The following SCGB2B2 variants were observed in gnomAD, a reference collection of about 807,000 sequenced individuals.
SCGB2B2 encodes secretoglobin family 2B member 2.
In SCGB2B2, 11 loss-of-function variants were observed where a neutral mutation model predicts 7.6. The observed-to-expected ratio is 1.45, with a 90% CI of 0.91 to 2.40. The LOEUF (loss-of-function observed/expected upper bound fraction) is 2.40. Ranked by LOEUF, SCGB2B2 falls within the 30% of genes most tolerant of loss-of-function variation. The pLI is 0.00. For synonymous variants in SCGB2B2, 50 were observed against 48.6 expected (o/e 1.03, Z -0.12); for missense variants, 104 against 115.4 (o/e 0.90, Z 0.45).
chr19:34,586,950 C>T (rs2065199778), downstream of SCGB2B2, among the ~76,000 whole-genome samples: 1 of 152,154 alleles, frequency 6.6e-6, no homozygotes, highest in Non-Finnish European at 1.5e-5. Flanking sequence ...TCTTGTTGCC[C>T]AGCCTGGAGT....
At chr19:34,662,759 C>T (rs981081457) in intron 1 of SCGB2B2, among the ~76,000 whole-genome samples, 1 of 151,882 alleles carries the variant, frequency 6.6e-6, no homozygotes, top group South Asian at 2.1e-4. Flanking sequence ...TGGTGAAATC[C>T]GTCTCTACTG....
chr19:34,618,088 G>A (rs1039143484), intron 1 of SCGB2B2, among the ~76,000 whole-genome samples: 26 of 150,108 alleles, frequency 1.7e-4, no homozygotes, highest in African/African-American at 3.2e-4. Flanking sequence ...GAAATCACTC[G>A]TCTTCTGCAT....
At chr19:34,612,225 G>T (rs1452320917) in intron 1 of SCGB2B2, among the ~76,000 whole-genome samples, 1 of 150,642 alleles carries the variant, frequency 6.6e-6, no homozygotes, top group Non-Finnish European at 1.5e-5. Flanking sequence ...TTTCAGTAGA[G>T]ACCGGGTTTC....
At chr19:34,626,773 C>A (rs145992091) in intron 1 of SCGB2B2, among the ~76,000 whole-genome samples, 76 of 152,258 alleles carry the variant, frequency 5.0e-4, no homozygotes, top group African/African-American at 1.7e-3. Context: ...CAAAGATACT[C>A]CTCGAGAAGA....
At chr19:34,598,540 T>C (rs1488817937) in intron 1 of SCGB2B2, among the ~76,000 whole-genome samples, 4 of 151,912 alleles carry the variant, frequency 2.6e-5, no homozygotes, top group South Asian at 2.1e-4. Context: ...GCCAGGCTTT[T>C]GGGGTGGTGG....
At chr19:34,609,175 G>GT (rs1315738014) in intron 1 of SCGB2B2, among the ~76,000 whole-genome samples, 2 of 151,898 alleles carry the variant, frequency 1.3e-5, no homozygotes, top group African/African-American at 2.4e-5. Context: ...TTATTTGTGT[G>GT]TTTTTTCCAT....
chr19:34,651,005 A>G (rs1466850094), intron 1 of SCGB2B2, among the ~76,000 whole-genome samples: 1 of 151,398 alleles, frequency 6.6e-6, no homozygotes, highest in African/African-American at 2.5e-5. Context: ...CAAGAAGCAT[A>G]TGATCATCTC....
chr19:34,594,652 C>CGTGTGTGTGT lies in SCGB2B2; in HGVS notation c.-99_-90dup, dbSNP rs3055684. 3.2e-4 allele frequency: 211 copies of CGTGTGTGTGT among 659,402 alleles called. No homozygotes were observed. The highest frequency in any genetic ancestry group is 1.4e-3 in the African/African-American group (76 of 52,558). 40.8% of individuals were successfully genotyped at this position (659,402 alleles called of 1,614,324 possible). On this transcript the variant is annotated 5_prime_UTR_variant, in exon 2 of 4. An upstream open reading frame in the 5' UTR loses its in-frame stop. Coordinates refer to ENST00000601241, the MANE Select transcript of SCGB2B2 (RefSeq NM_001025591.4). ...TATCTGAACAAGGCACATGCCTCTT[C>CGTGTGTGTGT]GTGTGTGTGTGTGTGTGTGTGTGTG... is the stretch of plus-strand genomic sequence containing the variant.
intron 1 of SCGB2B2, among the ~76,000 whole-genome samples, chr19:34,614,463 T>TTTA (rs2066015838): frequency 6.6e-6 from 1 of 151,752 alleles, no homozygotes; most frequent in Admixed American, 6.6e-5. Context: ...TTCTGTTTTT[T>TTTA]AATTATTATT....
chr19:34,645,549 C>CAG (rs1223413678), intron 1 of SCGB2B2: 1 of 76,346 alleles, frequency 1.3e-5, no homozygotes. Context: ...CAGACACACA[C>CAG]ACACACACAC....
intron 1 of SCGB2B2, among the ~76,000 whole-genome samples, chr19:34,655,744 G>T (rs1409765392): frequency 6.6e-6 from 1 of 151,222 alleles, no homozygotes; most frequent in Non-Finnish European, 1.5e-5. Context: ...AAAGTTAAGG[G>T]AAACCAATAA....
chr19:34,657,227 C>A (rs1038056048), intron 1 of SCGB2B2, among the ~76,000 whole-genome samples: 3 of 151,104 alleles, frequency 2.0e-5, no homozygotes, highest in Non-Finnish European at 2.9e-5. Context: ...TATAAGAGCA[C>A]CATAGAAATA....
intron 1 of SCGB2B2, among the ~76,000 whole-genome samples, chr19:34,607,850 C>T (rs1289683419): frequency 3.3e-5 from 5 of 152,198 alleles, no homozygotes; most frequent in African/African-American, 1.2e-4. Flanking sequence ...AATCCCTTAT[C>T]AAATATATGG....
intron 1 of SCGB2B2, among the ~76,000 whole-genome samples, chr19:34,630,175 G>A (rs2066489878): frequency 6.6e-6 from 1 of 151,814 alleles, no homozygotes; most frequent in Non-Finnish European, 1.5e-5. Flanking sequence ...AGAAAACCTA[G>A]GCAGTACCAT....
rs146890004 is a variant in SCGB2B2, at chr19:34,655,901, T to C, written c.-2032+19729A>G. Among the ~76,000 whole-genome samples, 89 of 151,148 alleles carry C rather than the reference T, an allele frequency of 5.9e-4. 2 individuals are homozygous for C. The East Asian group carries it at 0.013, about 22-fold the overall frequency. ...TGCAGCCACTGCCAAACTGTAGCCC[T>C]GAAAAAAACCAAAGGGCAACATTGC... is the stretch of plus-strand genomic sequence containing the variant. On this transcript the variant is annotated intron_variant, in intron 1 of 3. Transcript: ENST00000601241.
chr19:34,644,701 C>T (rs1262464840), intron 1 of SCGB2B2, among the ~76,000 whole-genome samples: 1 of 152,132 alleles, frequency 6.6e-6, no homozygotes, highest in African/African-American at 2.4e-5. Flanking sequence ...TCAGCCATGT[C>T]ACACATATAG....
chr19:34,648,728 A>G (rs2067085663), intron 1 of SCGB2B2, among the ~76,000 whole-genome samples: 1 of 151,334 alleles, frequency 6.6e-6, no homozygotes, highest in African/African-American at 2.4e-5. Flanking sequence ...CACAGTTTTA[A>G]TATATTACTC....
At chr19:34,590,279 G>A (rs1230646373), downstream of SCGB2B2, among the ~76,000 whole-genome samples, 1 of 152,164 alleles carries the variant, frequency 6.6e-6, no homozygotes, top group Non-Finnish European at 1.5e-5. Flanking sequence ...GTGTCCTCAT[G>A]TCGTGACCTG....
intron 1 of SCGB2B2, among the ~76,000 whole-genome samples, chr19:34,657,416 CA>C (rs780364937): frequency 7.2e-4 from 109 of 151,038 alleles, no homozygotes; most frequent in Admixed American, 1.6e-3. Flanking sequence ...ATCTACCAAG[CA>C]AATGGAAAGC....
Sources: allele counts gnomAD v4.1 joint callset (sites outside exome capture counted in the v4.1 genomes callset), GRCh38; gene constraint gnomAD v4.1.1; transcripts MANE v1.5; gene names NCBI Gene and HGNC (gene_info 2026-07-23, HGNC 2026-07-21).